Variants in UPF2 observed in about 807,000 individuals in gnomAD.
UPF2 encodes the protein UPF2 regulator of nonsense mediated mRNA decay, also known as regulator of nonsense transcripts 2.
UPF2 carries 17 observed loss-of-function variants against 141.4 expected under a neutral mutation model. The ratio of observed to expected loss-of-function variants is 0.12; its 90% CI spans 0.08 to 0.18. The LOEUF is 0.18. Ranked by LOEUF, UPF2 falls within the 10% of genes least tolerant of loss-of-function variation. The pLI, the probability that UPF2 is intolerant of heterozygous loss-of-function variation, is 1.00. For synonymous variants in UPF2, 540 were observed against 498.0 expected (o/e 1.08, Z -1.12); for missense variants, 1,152 against 1,515.9 (o/e 0.76, Z 3.99).
rs60922532 is a variant in UPF2 at position 11,994,975 on chromosome 10, CAAAAAAAAAAAAA to C, written c.1844+2684_1844+2696del. Among the ~76,000 whole-genome samples the C allele has an allele frequency of 1.9e-3, 98 of 51,354 alleles. 4 individuals carry two copies. In the South Asian group the frequency reaches 0.07, roughly 37 times the overall value. 33.7% of individuals were successfully genotyped at this position (51,354 alleles called of 152,430 possible). On this transcript the variant is annotated intron_variant, in intron 8 of 21. Transcript: ENST00000357604. The stretch of plus-strand genomic sequence containing the variant: ...TGGGCAACAGAGTGAGACTCCATCT[CAAAAAAAAAAAAA>C]AAAAAAAAAAAAAAAAGAGTGATAG...
Position 11,956,651 on chromosome 10 carries a change from C to T in UPF2, c.2371-128G>A, listed in dbSNP as rs1024106612. On this transcript the variant is annotated intron_variant, in intron 12 of 21. Transcript: ENST00000357604. This position sits in a 1 kb window ranked among gnomAD's most constrained non-coding sequence, Gnocchi z 4.2. ...AGAAAATACATTAGAAATCCTCTAT[C>T]GGCCTCTTCAGAAATAGAAAAACTG... 5 of 772,270 alleles carry T rather than the reference C, an allele frequency of 6.5e-6. No individual in the cohort carries two copies. The highest frequency in any genetic ancestry group is 3.2e-5 in the South Asian group (2 of 61,590). The allele number at this position is 772,270 out of a possible 1,614,324, so 47.8% of individuals were successfully genotyped here.
intron 8 of UPF2, among the ~76,000 whole-genome samples, chr10:11,983,465 T>C (rs1185682504): frequency 6.6e-6 from 1 of 152,022 alleles, no homozygotes; most frequent in African/African-American, 2.4e-5. Context: ...TTCCGCCTCC[T>C]GGGTTCACGC....
rs1834478702 is a variant in UPF2, at chr10:12,029,539, A to G, written c.366-15T>C. 1 of 1,559,652 alleles carries G rather than the reference A, an allele frequency of 6.4e-7. No homozygotes were observed. Among genetic ancestry groups the G allele is most frequent in the East Asian group, 2.2e-5 (1 of 44,470 alleles). On this transcript the variant is annotated splice_polypyrimidine_tract_variant and intron_variant, in intron 2 of 21. Transcript: ENST00000357604. The stretch of plus-strand genomic sequence containing the variant: ...CTTCTTTTTCTCTATATAAAAACAA[A>G]CAAATAAATAAAATACTCTCTACAT...
intron 1 of UPF2, among the ~76,000 whole-genome samples, chr10:12,039,264 T>C (rs761545594): frequency 7.9e-5 from 12 of 152,170 alleles, no homozygotes; most frequent in Non-Finnish European, 1.3e-4. Flanking sequence ...TCTGAACCCA[T>C]TCTCTGAACC....
intron 1 of UPF2, among the ~76,000 whole-genome samples, chr10:12,038,378 T>TCACGCACA (rs71380802): frequency 7.4e-6 from 1 of 135,844 alleles, no homozygotes; most frequent in South Asian, 2.5e-4. Context: ...AGACTCCATC[T>TCACGCACA]CACACACACA....
At chr10:12,031,591 T>C (rs984633106) in intron 2 of UPF2, among the ~76,000 whole-genome samples, 10 of 152,216 alleles carry the variant, frequency 6.6e-5, no homozygotes, top group Non-Finnish European at 4.4e-5. Flanking sequence ...CTGGGCAACA[T>C]AGTAAGACCC....
intron 14 of UPF2, 105 bp downstream of exon 14, chr10:11,955,127 T>A: frequency 9.2e-7 from 1 of 1,091,668 alleles, no homozygotes; most frequent in Non-Finnish European, 1.2e-6. Context: ...ATTATGAACA[T>A]ATATATAATA....
chr10:12,000,070 C>T, intron 6 of UPF2, 61 bp from the exon 7 acceptor site: 4 of 1,363,610 alleles, frequency 2.9e-6, no homozygotes, highest in Non-Finnish European at 4.0e-6. Context: ...ATAAAAACAT[C>T]CAATGATGAA....
intron 1 of UPF2, among the ~76,000 whole-genome samples, chr10:12,040,636 G>C (rs1166039284): frequency 6.6e-6 from 1 of 152,010 alleles, no homozygotes; most frequent in Non-Finnish European, 1.5e-5. Flanking sequence ...TTCATGAAGA[G>C]GCAGCAATGC....
At chr10:12,023,134 T>C (rs1014763761) in intron 3 of UPF2, among the ~76,000 whole-genome samples, 3 of 152,236 alleles carry the variant, frequency 2.0e-5, no homozygotes, top group Non-Finnish European at 4.4e-5. Flanking sequence ...AATTGAGTTA[T>C]AGCCATGAAA....
intron 21 of UPF2, among the ~76,000 whole-genome samples, chr10:11,929,591 C>T (rs763522077): frequency 1.1e-4 from 17 of 151,116 alleles, no homozygotes; most frequent in South Asian, 2.1e-4. Flanking sequence ...GAGTGAGTTG[C>T]GATTGTGCCA....
At chr10:12,015,939 A>G (rs1425763789) in intron 3 of UPF2, among the ~76,000 whole-genome samples, 2 of 152,300 alleles carry the variant, frequency 1.3e-5, no homozygotes, top group African/African-American at 2.4e-5. Flanking sequence ...TAGTTTAACC[A>G]TAATAAGCCA....
In UPF2 at chr10:11,928,578, G is replaced by A. The variant is rs188872300; in HGVS notation, c.3809+1287C>T. On this transcript the variant is annotated intron_variant, in intron 21 of 21. Transcript: ENST00000357604. ...CTAAAAATTAGCCGGGCCTGGTGGCGGGCGCCTGTGGTCCCAGCTACTCGG... is the reference window on the plus strand; with the variant it reads ...CTAAAAATTAGCCGGGCCTGGTGGCAGGCGCCTGTGGTCCCAGCTACTCGG... 446 of 166,240 alleles carry A rather than the reference G, an allele frequency of 2.7e-3. 2 individuals carry two copies. The highest frequency in any genetic ancestry group is 1.0e-2 in the African/African-American group (412 of 41,388). The allele number at this position is 166,240 out of a possible 1,614,324, so 10.3% of individuals were successfully genotyped here.
chr10:12,038,743 A>C (rs1701479), intron 1 of UPF2, among the ~76,000 whole-genome samples: 27,059 of 152,026 alleles, frequency 0.18, 2,561 homozygotes, highest in Non-Finnish European at 0.21. Context: ...ATACAAAAAA[A>C]AACAACAACA....
intron 9 of UPF2, among the ~76,000 whole-genome samples, chr10:11,972,881 T>C (rs1241641895): frequency 6.6e-6 from 1 of 152,210 alleles, no homozygotes; most frequent in Non-Finnish European, 1.5e-5. Flanking sequence ...TGATTTATAA[T>C]CCTTTGGGTA....
At chr10:11,954,202 T>C (rs1053325611) in intron 14 of UPF2, among the ~76,000 whole-genome samples, 2 of 152,164 alleles carry the variant, frequency 1.3e-5, no homozygotes, top group African/African-American at 2.4e-5. Flanking sequence ...GTGCTTGGTC[T>C]AAATCACAAG....
rs1940146686 is a variant in UPF2 at position 12,016,753 on chromosome 10, T to G, written c.1146-2569A>C. ...ATCTGCAATGTAGGGCCGGGCACGG[T>G]GGTTCACGCCTATAATCCCAGCACT... On this transcript the variant is annotated intron_variant, in intron 3 of 21. Transcript: ENST00000357604. The surrounding 1 kb of genome is among the most constrained non-coding windows in gnomAD (Gnocchi z 4.1). Among the ~76,000 whole-genome samples the G allele has an allele frequency of 6.6e-6, 1 of 151,582 alleles. No homozygotes were observed. The highest frequency in any genetic ancestry group is 2.4e-5 in the African/African-American group (1 of 41,226).
At chr10:11,965,504 G>A (rs143233175) in intron 10 of UPF2, among the ~76,000 whole-genome samples, 21 of 152,208 alleles carry the variant, frequency 1.4e-4, no homozygotes, top group African/African-American at 5.1e-4. Flanking sequence ...CTGTCACCCA[G>A]TCTGGAGTGC....
At chr10:11,926,646 G>A (rs1014059345) in intron 21 of UPF2, among the ~76,000 whole-genome samples, 3 of 152,224 alleles carry the variant, frequency 2.0e-5, no homozygotes, top group African/African-American at 7.2e-5. Context: ...TGGCAGGTGG[G>A]GATGCCAGTG....
Sources: allele counts gnomAD v4.1 joint callset (sites outside exome capture counted in the v4.1 genomes callset), GRCh38; gene constraint gnomAD v4.1.1; non-coding constraint Gnocchi (gnomAD v3.1); transcripts MANE v1.5; gene names NCBI Gene and HGNC (gene_info 2026-07-23, HGNC 2026-07-21).